Variants in MTCH2 observed in about 807,000 individuals in gnomAD.
MTCH2 encodes mitochondrial carrier homolog 2.
Under a neutral mutation model 50.6 loss-of-function variants are expected in MTCH2, and 25 were observed. The ratio of observed to expected loss-of-function variants is 0.49; its 90% CI spans 0.36 to 0.69. The LOEUF (loss-of-function observed/expected upper bound fraction) is 0.69, where lower values mean the gene tolerates loss of function less well. MTCH2 is among the 30% of genes least tolerant of loss of function. The pLI, the probability that MTCH2 is intolerant of heterozygous loss-of-function variation, is 0.00. For synonymous variants in MTCH2, 106 were observed against 132.0 expected (o/e 0.80, Z 1.35); for missense variants, 273 against 384.4 (o/e 0.71, Z 2.42).
Position 47,630,561 on chromosome 11 carries a change from A to C in MTCH2, c.533T>G (p.Phe178Cys). Residue 178 changes from phenylalanine (F) to cysteine (C), a missense_variant, in exon 8 of 13, where the codon TTT (phenylalanine) becomes TGT (cysteine). Coordinates refer to ENST00000302503, the MANE Select transcript of MTCH2 (RefSeq NM_014342.4). ...CTAATCAACATTTACTCACGCGAAA[A>C]ATCCTAGAATGCCCTCTTCCCGATA... is the stretch of plus-strand genomic sequence containing the variant. ...TIYREEGILG[F>C]FAGLVPRLLG... 6.2e-7 allele frequency: 1 copy of C among 1,612,372 alleles called. No individual in the cohort carries two copies. Among genetic ancestry groups the C allele is most frequent in the Non-Finnish European group, 8.5e-7 (1 of 1,178,392 alleles).
chr11:47,639,737 C>T (rs1227936746), intron 1 of MTCH2, among the ~76,000 whole-genome samples: 1 of 152,060 alleles, frequency 6.6e-6, no homozygotes, highest in African/African-American at 2.4e-5. Flanking sequence ...ACTTGGGAGG[C>T]TGAGGCAGGA....
At chr11:47,638,944 C>G (rs769245567) in intron 2 of MTCH2, 23 bp downstream of exon 2, 44 of 1,597,808 alleles carry the variant, frequency 2.8e-5, no homozygotes, top group African/African-American at 4.1e-5. Flanking sequence ...TCATGCAAAC[C>G]CAAATAAATC....
At chr11:47,630,047 G>A (rs1394736105) in intron 8 of MTCH2, among the ~76,000 whole-genome samples, 1 of 151,752 alleles carries the variant, frequency 6.6e-6, no homozygotes, top group Non-Finnish European at 1.5e-5. Flanking sequence ...TTATTTTTTT[G>A]AGACGGAGTC....
chr11:47,611,426 G>A, the MTCH2 span, among the ~76,000 whole-genome samples: 2 of 152,254 alleles, frequency 1.3e-5, no homozygotes, highest in African/African-American at 4.8e-5. Flanking sequence ...GCCAGAGTAG[G>A]TGCAGTGCTG....
chr11:47,612,425 G>A (rs1028146885), downstream of MTCH2, among the ~76,000 whole-genome samples: 4 of 152,074 alleles, frequency 2.6e-5, no homozygotes, highest in Admixed American at 6.5e-5. Context: ...AAAATTAGCC[G>A]GGCGTGGTGG....
In MTCH2 at chr11:47,633,308, C is replaced by T. The variant is rs1413193377; in HGVS notation, c.369+1364G>A. ...TGTATTTTTCGTAGAGACGGGGTTT[C>T]ACCGTGTTAGCCAGGGTGGTCTCAA... On this transcript the variant is annotated intron_variant, in intron 5 of 12. Coordinates refer to ENST00000302503, the MANE Select transcript of MTCH2 (RefSeq NM_014342.4). Among the ~76,000 whole-genome samples the T allele has an allele frequency of 4.2e-4, 63 of 148,702 alleles. 1 individual carries two copies. Among genetic ancestry groups the T allele is most frequent in the Non-Finnish European group, 2.8e-4 (19 of 67,286 alleles).
intron 1 of MTCH2, 35 bp downstream of exon 1, chr11:47,642,344 C>A (rs1244409246): frequency 9.8e-6 from 14 of 1,425,406 alleles, no homozygotes; most frequent in Middle Eastern, 1.8e-4. Flanking sequence ...CCGAACGGGG[C>A]GCCGGGCGGG....
chr11:47,609,393 G>A, the MTCH2 span, among the ~76,000 whole-genome samples: 1 of 149,050 alleles, frequency 6.7e-6, no homozygotes, highest in South Asian at 2.1e-4. Context: ...GGGAGGTGGA[G>A]GTTGCAGTGA....
In MTCH2 at chr11:47,619,050, C is replaced by G. The variant is rs991898613; in HGVS notation, c.826-131G>C. The stretch of plus-strand genomic sequence containing the variant: ...CAAAACTGGGACTATCACTACAGAA[C>G]AAGGATTAGTATTCTCTGAAAGGCT... On this transcript the variant is annotated intron_variant, in intron 12 of 12. Coordinates refer to ENST00000302503, the MANE Select transcript of MTCH2 (RefSeq NM_014342.4). The G allele has an allele frequency of 9.2e-6, 7 of 757,740 alleles. No homozygotes were observed. The African/African-American group carries it at 1.2e-4, about 13-fold the overall frequency. 46.9% of individuals were successfully genotyped at this position (757,740 alleles called of 1,614,324 possible).
At chr11:47,624,870 C>T (rs1014389749) in intron 11 of MTCH2, among the ~76,000 whole-genome samples, 4 of 152,158 alleles carry the variant, frequency 2.6e-5, no homozygotes, top group Non-Finnish European at 5.9e-5. Context: ...GGCAGATCAC[C>T]GGAGGTCAGG....
At chr11:47,630,154 G>A (rs777935478) in intron 8 of MTCH2, among the ~76,000 whole-genome samples, 13 of 152,128 alleles carry the variant, frequency 8.5e-5, no homozygotes, top group East Asian at 3.9e-4. Context: ...TCAGCCTCCC[G>A]AGTAGCTGGG....
At chr11:47,607,418 G>A in the MTCH2 span, among the ~76,000 whole-genome samples, 1 of 152,146 alleles carries the variant, frequency 6.6e-6, no homozygotes, top group African/African-American at 2.4e-5. Context: ...CATCCCACTA[G>A]AAAACAGTCC....
At chr11:47,633,528 T>TATATATATATATATATATATGTA (rs34564448) in intron 5 of MTCH2, among the ~76,000 whole-genome samples, 1 of 21,918 alleles carries the variant, frequency 4.6e-5, no homozygotes, top group Non-Finnish European at 9.5e-5. Context: ...ATATATATAT[T>TATATATATATATATATATATGTA]TTTTTTTTTT....
At chr11:47,623,375 TTAAA>T (rs759572525) in intron 11 of MTCH2, among the ~76,000 whole-genome samples, 1 of 122,502 alleles carries the variant, frequency 8.2e-6, no homozygotes. Flanking sequence ...CAGTCTTTTT[TTAAA>T]AAAAAAAAAA....
At chr11:47,622,142 G>A (rs899401502) in intron 12 of MTCH2, among the ~76,000 whole-genome samples, 1 of 150,944 alleles carries the variant, frequency 6.6e-6, no homozygotes, top group African/African-American at 2.4e-5. Context: ...AGAATTATAA[G>A]CGTGAGCCAC....
intron 12 of MTCH2, 38 bp downstream of exon 12, chr11:47,622,663 A>T (rs781646224): frequency 4.1e-6 from 6 of 1,454,660 alleles, no homozygotes; most frequent in Non-Finnish European, 5.6e-6. Flanking sequence ...ATAAAAATAA[A>T]ACAAAATAAA....
chr11:47,623,809 T>C (rs1480526023), intron 11 of MTCH2, among the ~76,000 whole-genome samples: 1 of 152,102 alleles, frequency 6.6e-6, no homozygotes, highest in Non-Finnish European at 1.5e-5. Context: ...CCCAGCACTT[T>C]AGGAGGTCGA....
chr11:47,633,526 A>ATATATATATATATT (rs1378774715), intron 5 of MTCH2, among the ~76,000 whole-genome samples: 4 of 35,078 alleles, frequency 1.1e-4, no homozygotes, highest in Non-Finnish European at 2.3e-4. Context: ...ATATATATAT[A>ATATATATATATATT]TTTTTTTTTT....
intron 3 of MTCH2, among the ~76,000 whole-genome samples, chr11:47,636,569 T>C (rs1403231562): frequency 1.3e-5 from 2 of 150,456 alleles, no homozygotes; most frequent in African/African-American, 4.9e-5. Context: ...CCCTCTCTAC[T>C]AAAAATACAA....
Sources: allele counts gnomAD v4.1 joint callset (sites outside exome capture counted in the v4.1 genomes callset), GRCh38; gene constraint gnomAD v4.1.1; transcripts MANE v1.5; gene names NCBI Gene and HGNC (gene_info 2026-07-23, HGNC 2026-07-21).